The following NPNT variants were observed in gnomAD, a reference collection of about 807,000 sequenced individuals.
The protein encoded by NPNT is nephronectin, also known as preosteoblast EGF-like repeat protein with MAM domain.
NPNT carries 45 observed loss-of-function variants against 68.6 expected under a neutral mutation model. The observed-to-expected ratio is 0.66, with a 90% confidence interval of 0.52 to 0.84. NPNT has a LOEUF of 0.84. Ranked by LOEUF, NPNT falls within the 40% of genes least tolerant of loss-of-function variation. The pLI, the probability that NPNT is intolerant of heterozygous loss-of-function variation, is 0.00. For missense variants in NPNT, 672 were observed against 714.8 expected (o/e 0.94, Z 0.68); for synonymous variants, 233 against 253.3 (o/e 0.92, Z 0.76).
At chr4:105,915,056 T>C (rs1242436244) in intron 2 of NPNT, among the ~76,000 whole-genome samples, 1 of 152,094 alleles carries the variant, frequency 6.6e-6, no homozygotes, top group Non-Finnish European at 1.5e-5. Flanking sequence ...GTGAATTTAG[T>C]TTTGCTTGGA....
At chr4:105,899,303 A>G (rs1323600763) in intron 2 of NPNT, among the ~76,000 whole-genome samples, 2 of 152,204 alleles carry the variant, frequency 1.3e-5, no homozygotes, top group African/African-American at 2.4e-5. Context: ...ATGTGAAGAA[A>G]GGACCCTTCT....
chr4:105,949,622 A>C (rs1221490876), intron 8 of NPNT, among the ~76,000 whole-genome samples: 1 of 152,236 alleles, frequency 6.6e-6, no homozygotes, highest in Non-Finnish European at 1.5e-5. Context: ...CAGGGCAAAG[A>C]AACTCAGAAA....
At chr4:105,966,338 T>C (rs1243028089) in intron 10 of NPNT, among the ~76,000 whole-genome samples, 1 of 152,182 alleles carries the variant, frequency 6.6e-6, no homozygotes, top group African/African-American at 2.4e-5. Context: ...ACCATTTTTT[T>C]TCTAATGCAG....
intron 10 of NPNT, among the ~76,000 whole-genome samples, chr4:105,960,061 T>C (rs946801972): frequency 2.0e-4 from 30 of 152,154 alleles, no homozygotes; most frequent in African/African-American, 4.8e-4. Flanking sequence ...CTGCCCGCCT[T>C]GGCCTCCCAA....
rs1307177663 is a variant in NPNT at position 105,895,537 on chromosome 4, G to A, written c.-116G>A. ...TCCGGGAGCGGCAGCAGTAGCCCGG[G>A]CGGCGAGGGCTGGGGGTTCCTCGAG... is the stretch of plus-strand genomic sequence containing the variant. On this transcript the variant is annotated 5_prime_UTR_variant, in exon 1 of 12. Coordinates refer to ENST00000379987, the MANE Select transcript of NPNT (RefSeq NM_001033047.3). The A allele has an allele frequency of 4.9e-6, 4 of 815,846 alleles. No homozygotes were observed. Among genetic ancestry groups the A allele is most frequent in the East Asian group, 2.9e-5 (1 of 34,618 alleles). The allele number at this position is 815,846 out of a possible 1,614,324, so 50.5% of individuals were successfully genotyped here.
intron 8 of NPNT, among the ~76,000 whole-genome samples, chr4:105,946,551 T>C (rs114386867): frequency 0.011 from 1,743 of 152,290 alleles, 6 homozygotes; most frequent in Non-Finnish European, 0.013. Context: ...ATTTTACAGC[T>C]GGGTCTACGG....
Position 105,970,246 on chromosome 4 carries a change from A to C in NPNT, c.*1256A>C, listed in dbSNP as rs546599743. On this transcript the variant is annotated 3_prime_UTR_variant, in exon 12 of 12. Transcript: ENST00000379987. ...AGGGCAAGTTGGAATTCTAAGATCC[A>C]TGAACCCCCAACTGTATTTCCTCCC... 2 of 570,076 alleles carry C rather than the reference A, an allele frequency of 3.5e-6. No individual in the cohort carries two copies. Among genetic ancestry groups the C allele is most frequent in the South Asian group, 4.1e-5 (2 of 48,778 alleles). 35.3% of individuals were successfully genotyped at this position (570,076 alleles called of 1,614,324 possible).
At chr4:105,958,845 C>T (rs575243409) in intron 9 of NPNT, 183 bp from the exon 10 acceptor site, 3 of 567,082 alleles carry the variant, frequency 5.3e-6, no homozygotes, top group Admixed American at 6.4e-5. Flanking sequence ...TCTATTTTTA[C>T]AGATGATGCA....
intron 4 of NPNT, among the ~76,000 whole-genome samples, 155 bp from the exon 5 acceptor site, chr4:105,938,146 C>A (rs1729638140): frequency 1.3e-5 from 2 of 152,054 alleles, no homozygotes; most frequent in African/African-American, 2.4e-5. Context: ...CTTTCCTTCC[C>A]CCTTTTATTT....
intron 3 of NPNT, among the ~76,000 whole-genome samples, chr4:105,931,084 T>A (rs1373881944): frequency 6.6e-6 from 1 of 152,184 alleles, no homozygotes; most frequent in East Asian, 1.9e-4. Flanking sequence ...ATTTGCTTCC[T>A]TTACTTTTAC....
chr4:105,954,009 A>C (rs1351286507), intron 8 of NPNT, among the ~76,000 whole-genome samples: 1 of 152,220 alleles, frequency 6.6e-6, no homozygotes, highest in Non-Finnish European at 1.5e-5. Flanking sequence ...GCTTACTGTT[A>C]ATGTTTTCTG....
chr4:105,960,014 G>GTA (rs1731587768), intron 10 of NPNT, among the ~76,000 whole-genome samples: 1 of 152,074 alleles, frequency 6.6e-6, no homozygotes, highest in Non-Finnish European at 1.5e-5. Flanking sequence ...GTTTCACCCT[G>GTA]TTAGCCAGGA....
rs1296084709 is a variant in NPNT, at chr4:105,969,235, A to C, written c.*245A>C. The C allele has an allele frequency of 1.2e-5, 4 of 344,276 alleles. No homozygotes were observed. The highest frequency in any genetic ancestry group is 2.1e-5 in the Non-Finnish European group (4 of 188,976). The allele number at this position is 344,276 out of a possible 1,614,324, so 21.3% of individuals were successfully genotyped here. A position where few individuals can be genotyped will look rare whatever the true frequency, so the allele number is the denominator to read the frequency against. ...AAGCCATCTGTGGGTGTTGCCTTCC[A>C]TCCTGTGTCTCTTTCAGGAAGGCAT... is the stretch of plus-strand genomic sequence containing the variant. On this transcript the variant is annotated 3_prime_UTR_variant, in exon 12 of 12. Coordinates refer to ENST00000379987, the MANE Select transcript of NPNT (RefSeq NM_001033047.3).
intron 5 of NPNT, among the ~76,000 whole-genome samples, chr4:105,939,725 CT>C (rs1729781720): frequency 6.6e-6 from 1 of 151,850 alleles, no homozygotes; most frequent in Admixed American, 6.6e-5. Context: ...GATTCAAATA[CT>C]TTTTTTTAGA....
chr4:105,967,107 AAAACT>A, intron 10 of NPNT, 76 bp from the exon 11 acceptor site: 1 of 1,411,682 alleles, frequency 7.1e-7, no homozygotes, highest in Non-Finnish European at 9.7e-7. Flanking sequence ...AAAAAAAAAA[AAAACT>A]AAAACTCCTG....
At chr4:105,900,550 C>G (rs912797072) in intron 2 of NPNT, among the ~76,000 whole-genome samples, 1 of 152,186 alleles carries the variant, frequency 6.6e-6, no homozygotes, top group African/African-American at 2.4e-5. Context: ...TTGGAGAAAC[C>G]GACTAATGTT....
At chr4:105,967,546 C>G (rs1732267968) in intron 11 of NPNT, 102 bp downstream of exon 11, 2 of 1,247,556 alleles carry the variant, frequency 1.6e-6, no homozygotes, top group Admixed American at 3.1e-5. Flanking sequence ...AATTCAGGCT[C>G]AGATAAAGGT....
At chr4:105,913,562 C>T (rs1165651849) in intron 2 of NPNT, among the ~76,000 whole-genome samples, 2 of 152,182 alleles carry the variant, frequency 1.3e-5, no homozygotes, top group Non-Finnish European at 2.9e-5. Flanking sequence ...GTGGCTTCCA[C>T]AGTTCTTGAC....
At chr4:105,896,951 A>G (rs1725910148) in intron 1 of NPNT, among the ~76,000 whole-genome samples, 1 of 152,222 alleles carries the variant, frequency 6.6e-6, no homozygotes, top group African/African-American at 2.4e-5. Flanking sequence ...TTTAAAAGCA[A>G]TTCTGTGCTC....
Sources: gnomAD v4.1 joint callset for allele counts (sites outside exome capture counted in the v4.1 genomes callset) on GRCh38, gnomAD v4.1.1 for gene constraint, MANE v1.5 for transcripts, NCBI Gene and HGNC (gene_info 2026-07-23, HGNC 2026-07-21) for gene names.